Variants in SNTG1 observed in about 807,000 individuals in gnomAD.
SNTG1 encodes syntrophin gamma 1.
A neutral mutation model predicts 74.7 loss-of-function variants in SNTG1; 39 were observed. The observed-to-expected ratio is 0.52, with a 90% CI of 0.40 to 0.68. The LOEUF (loss-of-function observed/expected upper bound fraction) is 0.68, where lower values mean the gene tolerates loss of function less well. SNTG1 is among the 30% of genes least tolerant of loss of function. The probability of loss-of-function intolerance (pLI) is 0.00; values close to 1 mark genes in which losing one functional copy is unlikely to be tolerated. For synonymous variants in SNTG1, 254 were observed against 217.1 expected, an observed-to-expected ratio of 1.17 and a Z score of -1.49; for missense variants, 685 against 609.5, an observed-to-expected ratio of 1.12 and a Z score of -1.30.
intron 1 of SNTG1, among the ~76,000 whole-genome samples, chr8:50,056,547 G>T (rs996813122): frequency 1.3e-5 from 2 of 152,172 alleles, no homozygotes; most frequent in African/African-American, 4.8e-5. Context: ...AGGCCCTGGA[G>T]TGTGTCCAAC....
chr8:50,584,798 C>G (rs2130841613), intron 12 of SNTG1, among the ~76,000 whole-genome samples: 2 of 152,258 alleles, frequency 1.3e-5, no homozygotes, highest in African/African-American at 4.8e-5. Context: ...TTACTGTGAT[C>G]TGGCACCGAC....
intron 9 of SNTG1, among the ~76,000 whole-genome samples, chr8:50,516,054 G>T (rs2094131230): frequency 2.0e-5 from 3 of 152,070 alleles, no homozygotes; most frequent in Admixed American, 2.0e-4. Context: ...AGCTCTGGCT[G>T]GCATCTGGCA....
intron 2 of SNTG1, among the ~76,000 whole-genome samples, chr8:50,327,983 G>A (rs2090819546): frequency 1.3e-5 from 2 of 151,704 alleles, no homozygotes. Flanking sequence ...TTTTATCTTT[G>A]TTGTCATTCA....
At chr8:50,776,088 CTTTTA>C (rs1213752753) in intron 18 of SNTG1, among the ~76,000 whole-genome samples, 1 of 151,218 alleles carries the variant, frequency 6.6e-6, no homozygotes, top group Non-Finnish European at 1.5e-5. Context: ...AGACAACTTA[CTTTTA>C]TTTTAATTAT....
At chr8:50,369,888 C>A in intron 2 of SNTG1, among the ~76,000 whole-genome samples, 1 of 152,132 alleles carries the variant, frequency 6.6e-6, no homozygotes, top group East Asian at 1.9e-4. Flanking sequence ...TGAGTTGGTT[C>A]TGAAGTATCT....
At chr8:50,253,422 T>TTAAATAAATAAA (rs57078517) in intron 2 of SNTG1, among the ~76,000 whole-genome samples, 1,522 of 149,012 alleles carry the variant, frequency 0.01, 6 homozygotes, top group Non-Finnish European at 0.015. Context: ...AAACTCCGTC[T>TTAAATAAATAAA]TAAATAAATA....
At chr8:50,068,271 A>C (rs1821063779) in intron 1 of SNTG1, among the ~76,000 whole-genome samples, 1 of 152,140 alleles carries the variant, frequency 6.6e-6, no homozygotes, top group South Asian at 2.1e-4. Context: ...TGTCACATTC[A>C]TCAGGCATTA....
intron 11 of SNTG1, among the ~76,000 whole-genome samples, chr8:50,549,697 A>G (rs2094412471): frequency 6.6e-6 from 1 of 152,078 alleles, no homozygotes; most frequent in South Asian, 2.1e-4. Context: ...ATCCACACAC[A>G]ATGTGCCAGA....
intron 2 of SNTG1, among the ~76,000 whole-genome samples, chr8:50,180,863 C>T (rs999688663): frequency 1.5e-4 from 23 of 149,300 alleles, no homozygotes; most frequent in African/African-American, 3.7e-4. Context: ...CAGGTTCAAG[C>T]GACTCTCCGG....
chr8:50,009,988 T>A (rs924290029), intron 1 of SNTG1, among the ~76,000 whole-genome samples: 6 of 152,186 alleles, frequency 3.9e-5, no homozygotes, highest in African/African-American at 1.2e-4. Context: ...AGAGTGAGAC[T>A]CTGTCTAAAA....
chr8:50,325,361 T>C (rs1049072305), intron 2 of SNTG1, among the ~76,000 whole-genome samples: 4 of 152,030 alleles, frequency 2.6e-5, no homozygotes, highest in Non-Finnish European at 5.9e-5. Flanking sequence ...AAAACAATAC[T>C]TTATTAATTT....
chr8:50,257,320 G>A (rs1173896925), intron 2 of SNTG1, among the ~76,000 whole-genome samples: 1 of 152,092 alleles, frequency 6.6e-6, no homozygotes, highest in Non-Finnish European at 1.5e-5. Context: ...AACTAAAAAG[G>A]ACAAATGCTG....
chr8:50,008,614 G>A (rs1815476152), intron 1 of SNTG1, among the ~76,000 whole-genome samples: 1 of 152,104 alleles, frequency 6.6e-6, no homozygotes. Flanking sequence ...ACAAATGGAT[G>A]GATAGGAAAC....
chr8:50,005,247 TATC>T (rs1815105987), intron 1 of SNTG1, among the ~76,000 whole-genome samples: 1 of 152,034 alleles, frequency 6.6e-6, no homozygotes, highest in Admixed American at 6.5e-5. Flanking sequence ...ATAACAGACA[TATC>T]ATCAAGAGTG....
chr8:50,776,099 A>G (rs1320907703), intron 18 of SNTG1, among the ~76,000 whole-genome samples: 2 of 151,146 alleles, frequency 1.3e-5, no homozygotes, highest in Non-Finnish European at 1.5e-5. Flanking sequence ...TTTTATTTTA[A>G]TTATTGATGT....
chr8:50,734,742 C>CATATATATATATCTCTCTATAT (rs1295976280), intron 17 of SNTG1, among the ~76,000 whole-genome samples: 9 of 84,090 alleles, frequency 1.1e-4, no homozygotes, highest in Admixed American at 2.2e-4. Flanking sequence ...TATATATGGA[C>CATATATATATATCTCTCTATAT]ATGTATATAG....
chr8:50,369,691 A>G (rs2092220949), intron 2 of SNTG1, among the ~76,000 whole-genome samples: 1 of 151,902 alleles, frequency 6.6e-6, no homozygotes, highest in Non-Finnish European at 1.5e-5. Flanking sequence ...TCTGCAAGCC[A>G]GGAAGAGAGA....
intron 9 of SNTG1, among the ~76,000 whole-genome samples, chr8:50,519,293 G>T (rs940779741): frequency 1.3e-5 from 2 of 152,116 alleles, no homozygotes; most frequent in South Asian, 4.1e-4. Context: ...AGGTATTGAT[G>T]GAATGTATCT....
chr8:50,467,569 A>C (rs1379875574), intron 8 of SNTG1, among the ~76,000 whole-genome samples: 1 of 151,188 alleles, frequency 6.6e-6, no homozygotes, highest in African/African-American at 2.4e-5. Flanking sequence ...CATTTTCTTT[A>C]TCTTTTCAAA....
Sources: gnomAD v4.1 joint callset for allele counts (sites outside exome capture counted in the v4.1 genomes callset) on GRCh38, gnomAD v4.1.1 for gene constraint, MANE v1.5 for transcripts, NCBI Gene and HGNC (gene_info 2026-07-23, HGNC 2026-07-21) for gene names.